Variants in ARSG observed in about 807,000 individuals in gnomAD.
ARSG encodes the protein arylsulfatase G.
Under a neutral mutation model 50.5 loss-of-function variants are expected in ARSG, and 37 were observed. The ratio of observed to expected loss-of-function variants is 0.73; its 90% CI spans 0.56 to 0.96. The LOEUF is 0.96. Ranked by LOEUF, ARSG falls within the 50% of genes least tolerant of loss-of-function variation. The probability of loss-of-function intolerance (pLI) is 0.00; values close to 1 mark genes in which losing one functional copy is unlikely to be tolerated. For missense variants in ARSG, 629 were observed against 675.3 expected (o/e 0.93, Z 0.76); for synonymous variants, 225 against 254.6 (o/e 0.88, Z 1.11).
intron 2 of ARSG, among the ~76,000 whole-genome samples, chr17:68,337,967 C>T (rs142018249): frequency 6.6e-6 from 1 of 152,172 alleles, no homozygotes; most frequent in Non-Finnish European, 1.5e-5. Context: ...CCCAGCACCG[C>T]TCGCTCCAGG....
chr17:68,440,335 A>G, the ARSG span, among the ~76,000 whole-genome samples: 1 of 152,274 alleles, frequency 6.6e-6, no homozygotes, highest in Admixed American at 6.5e-5. Flanking sequence ...AAGGCAAGCA[A>G]GAAGAGTTTT....
Position 68,395,142 on chromosome 17 carries a change from T to C in ARSG, c.1161T>C (p.Asp387=). 1.2e-6 allele frequency: 2 copies of C among 1,614,084 alleles called. No homozygotes were observed. Among genetic ancestry groups the C allele is most frequent in the Non-Finnish European group, 1.7e-6 (2 of 1,179,954 alleles). Residue 387 remains aspartate, a synonymous_variant, in exon 10 of 12, where the codon GAT becomes GAC. Transcript: ENST00000621439. ...QASLPQGRRF[D]GVDVSEVLFG... ...GCTTACCTCAAGGACGGCGCTTTGA[T>C]GGTGTGGACGTCTCCGAGGTGCTCT...
At chr17:68,291,618 G>C (rs2075994432) in intron 1 of ARSG, 50 bp downstream of exon 1, 1 of 151,370 alleles carries the variant, frequency 6.6e-6, no homozygotes, top group Non-Finnish European at 1.5e-5. Flanking sequence ...GCGCCGCCGG[G>C]GTCCTTGGCA....
At chr17:68,280,815 G>A (rs149632622) in intron 1 of ARSG, among the ~76,000 whole-genome samples, 24 of 152,228 alleles carry the variant, frequency 1.6e-4, no homozygotes, top group Middle Eastern at 3.4e-3. Flanking sequence ...CAGATTCTGC[G>A]CAGCAAAGGA....
At chr17:68,410,897 T>C (rs1190922500) in intron 11 of ARSG, among the ~76,000 whole-genome samples, 1 of 152,244 alleles carries the variant, frequency 6.6e-6, no homozygotes, top group Non-Finnish European at 1.5e-5. Context: ...CTAGATTTTC[T>C]AGTTTATTTG....
chr17:68,274,112 T>C (rs2075433782), intron 1 of ARSG: 1 of 1,597,498 alleles, frequency 6.3e-7, no homozygotes, highest in Non-Finnish European at 8.6e-7. Context: ...TCACAGAGGC[T>C]TCAGGGTTAG....
chr17:68,421,589 G>A (rs2082777256), downstream of ARSG: 9 of 731,184 alleles, frequency 1.2e-5, no homozygotes, highest in South Asian at 1.5e-4. Context: ...CGCGCCCATT[G>A]GCAACCAGGG....
At chr17:68,307,735 G>A (rs782541914) in intron 2 of ARSG, 24 bp downstream of exon 2, 31 of 1,303,650 alleles carry the variant, frequency 2.4e-5, no homozygotes, top group Non-Finnish European at 3.3e-5. Context: ...TGCCAGGCCA[G>A]CCTTTCTTTG....
chr17:68,339,456 A>C (rs1227560426), intron 2 of ARSG, among the ~76,000 whole-genome samples: 1 of 152,216 alleles, frequency 6.6e-6, no homozygotes, highest in African/African-American at 2.4e-5. Flanking sequence ...AATTATCCTC[A>C]AACGTATTGC....
intron 1 of ARSG, among the ~76,000 whole-genome samples, chr17:68,294,179 C>T (rs1555757336): frequency 6.6e-6 from 1 of 152,130 alleles, no homozygotes; most frequent in African/African-American, 2.4e-5. Context: ...AGCCCCCTCT[C>T]GGCTTTCCTT....
chr17:68,288,682 A>G (rs185962639), upstream of ARSG, among the ~76,000 whole-genome samples: 2 of 152,350 alleles, frequency 1.3e-5, no homozygotes, highest in East Asian at 3.9e-4. Context: ...CTAATAGTCT[A>G]TACTTCTATG....
At chr17:68,262,837 C>G (rs1415848664) in intron 1 of ARSG, among the ~76,000 whole-genome samples, 1 of 152,158 alleles carries the variant, frequency 6.6e-6, no homozygotes, top group African/African-American at 2.4e-5. Flanking sequence ...GCTGAGGACA[C>G]TTTAAGTAGA....
Position 68,307,423 on chromosome 17 carries a change from G to C in ARSG, c.-71G>C. ...TTCCTGCTTTGAAAGTGAGCAGAAAGGAAGCTCTCAGAAAAATCTCTAGTG... is the reference window on the plus strand; with the variant it reads ...TTCCTGCTTTGAAAGTGAGCAGAAACGAAGCTCTCAGAAAAATCTCTAGTG... On this transcript the variant is annotated 5_prime_UTR_variant, in exon 2 of 12. Transcript: ENST00000621439. The C allele has an allele frequency of 8.1e-7, 1 of 1,227,522 alleles. No individual in the cohort carries two copies. 76.0% of individuals were successfully genotyped at this position (1,227,522 alleles called of 1,614,324 possible).
rs540812216 is a variant in ARSG at position 68,365,945 on chromosome 17, A to AT, written c.705-2593dup. On this transcript the variant is annotated intron_variant, in intron 6 of 11. Coordinates refer to ENST00000621439, the MANE Select transcript of ARSG (RefSeq NM_001267727.2). Reference sequence around the variant, plus strand: ...AAAATATTATTGATTTATTTAATTTATTTTTTTTTTGAGACAGAGTCTCGC... The same window carrying AT: ...AAAATATTATTGATTTATTTAATTTATTTTTTTTTTTGAGACAGAGTCTCGC... Among the ~76,000 whole-genome samples the AT allele has an allele frequency of 7.3e-3, 1,092 of 150,290 alleles. 5 individuals carry two copies. Among genetic ancestry groups the AT allele is most frequent in the Non-Finnish European group, 0.01 (697 of 67,372 alleles).
At chr17:68,318,003 G>A (rs891293983) in intron 2 of ARSG, among the ~76,000 whole-genome samples, 13 of 151,974 alleles carry the variant, frequency 8.6e-5, no homozygotes, top group African/African-American at 1.9e-4. Flanking sequence ...GGAGGCTGAG[G>A]CAGGAGAATC....
At chr17:68,427,306 T>C (rs2083261065), downstream of ARSG, 5 of 1,334,944 alleles carry the variant, frequency 3.7e-6, no homozygotes, top group Admixed American at 1.7e-5. Context: ...ATCATATATC[T>C]AGGACACCTT....
chr17:68,393,765 G>A (rs2081103488), intron 9 of ARSG, among the ~76,000 whole-genome samples: 1 of 151,412 alleles, frequency 6.6e-6, no homozygotes, highest in Admixed American at 6.6e-5. Flanking sequence ...TACTTAGGAG[G>A]CTGATGCAGG....
At chr17:68,313,868 G>C (rs1228850315) in intron 2 of ARSG, among the ~76,000 whole-genome samples, 2 of 151,880 alleles carry the variant, frequency 1.3e-5, no homozygotes, top group Non-Finnish European at 2.9e-5. Flanking sequence ...TAGTAGAGAC[G>C]GAGTTTTGCC....
chr17:68,432,686 A>G, the ARSG span, among the ~76,000 whole-genome samples: 1 of 151,998 alleles, frequency 6.6e-6, no homozygotes, highest in Non-Finnish European at 1.5e-5. Context: ...CTCTTCTGAA[A>G]CTCCATCCAA....
Sources: gnomAD v4.1 joint callset for allele counts (sites outside exome capture counted in the v4.1 genomes callset) on GRCh38, gnomAD v4.1.1 for gene constraint, MANE v1.5 for transcripts, NCBI Gene and HGNC (gene_info 2026-07-23, HGNC 2026-07-21) for gene names.